Variants in PVT1 observed in about 807,000 individuals in gnomAD.
PVT1 encodes the protein CXCR4/PVT1 fusion.
intron 3 of PVT1, among the ~76,000 whole-genome samples, chr8:127,970,289 GTTTT>G (rs68010926): frequency 1.0e-4 from 5 of 49,118 alleles, no homozygotes; most frequent in Non-Finnish European, 1.1e-4. Context: ...GCCATGATTT[GTTTT>G]TTTTTTTTTT....
At chr8:128,061,522 G>T (rs1481414185) in intron 4 of PVT1, among the ~76,000 whole-genome samples, 2 of 152,178 alleles carry the variant, frequency 1.3e-5, no homozygotes, top group Non-Finnish European at 2.9e-5. Context: ...TGTATACCTA[G>T]GAGTGGAATT....
At position 128,041,739 on chromosome 8, in the gene PVT1, G is replaced by A. The variant is rs114588859; in HGVS notation, n.913-28421G>A. Among the ~76,000 whole-genome samples, 807 of 152,124 alleles carry A rather than the reference G, an allele frequency of 5.3e-3. 4 individuals are homozygous for A. Among genetic ancestry groups the A allele is most frequent in the African/African-American group, 0.018 (767 of 41,484 alleles). ...GTTTAGTATGTGTGTGTTTGTATTG[G>A]TTGCTGAGCACTTGCTATGTGTCAA... On this transcript the variant is annotated intron_variant and non_coding_transcript_variant, in intron 4 of 10. Coordinates refer to ENST00000651587, the Ensembl canonical transcript of PVT1.
At chr8:127,808,756 G>A (rs193184389) in intron 2 of PVT1, among the ~76,000 whole-genome samples, 91 of 152,066 alleles carry the variant, frequency 6.0e-4, no homozygotes, top group Non-Finnish European at 1.1e-3. Flanking sequence ...GGGACCAGGC[G>A]TGGTGGCTCA....
In PVT1 at chr8:127,937,580, C is replaced by CACACACACACACACACAGAG. The variant is rs59006608; in HGVS notation, n.782+46583_782+46584insCACACACACACACACAGAGA. On this transcript the variant is annotated intron_variant and non_coding_transcript_variant, in intron 3 of 10. Transcript: ENST00000651587. ...ACACACACACACACACACACACACA[C>CACACACACACACACACAGAG]AGAGAGAGAGAGAGAGAGAGAGAGA... 1.1e-3 allele frequency among the ~76,000 whole-genome samples: 122 copies of CACACACACACACACACAGAG among 107,826 alleles called. 1 individual carries two copies. Among genetic ancestry groups the CACACACACACACACACAGAG allele is most frequent in the African/African-American group, 4.1e-3 (110 of 26,978 alleles). 70.7% of individuals were successfully genotyped at this position (107,826 alleles called of 152,430 possible).
chr8:127,973,840 C>T (rs13254679), intron 3 of PVT1, among the ~76,000 whole-genome samples: 7,032 of 151,766 alleles, frequency 0.046, 526 homozygotes, highest in African/African-American at 0.16. Flanking sequence ...ATTAGCCGGG[C>T]GTGGTGGTGG....
chr8:127,854,486 A>G (rs1815141416), intron 2 of PVT1, among the ~76,000 whole-genome samples: 1 of 152,098 alleles, frequency 6.6e-6, no homozygotes, highest in South Asian at 2.1e-4. Context: ...AGGGGTCCCA[A>G]ATTGTCATGT....
At chr8:128,006,086 G>A (rs1326223260) in intron 4 of PVT1, among the ~76,000 whole-genome samples, 1 of 148,072 alleles carries the variant, frequency 6.8e-6, no homozygotes, top group Non-Finnish European at 1.5e-5. Flanking sequence ...CTCAGTGACA[G>A]AGTGAGACCT....
intron 3 of PVT1, among the ~76,000 whole-genome samples, chr8:127,906,611 G>A (rs1451650120): frequency 1.3e-5 from 2 of 152,104 alleles, no homozygotes; most frequent in African/African-American, 2.4e-5. Flanking sequence ...GAGGGGGATG[G>A]GGGGTGGACT....
intron 2 of PVT1, among the ~76,000 whole-genome samples, chr8:127,846,678 C>A (rs768629010): frequency 3.9e-5 from 6 of 152,066 alleles, no homozygotes; most frequent in South Asian, 4.2e-4. Context: ...GGAAAGGGGC[C>A]CCAAATGGTA....
chr8:128,089,921 G>T (rs747315014), intron 5 of PVT1, among the ~76,000 whole-genome samples: 10 of 152,294 alleles, frequency 6.6e-5, no homozygotes, highest in African/African-American at 2.4e-4. Context: ...TGCTTGGAAC[G>T]TTTTTTGTAC....
At position 127,902,374 on chromosome 8, in the gene PVT1, G is replaced by A. The variant is rs552723257; in HGVS notation, n.782+11376G>A. ...CGGCTGTGTGCAAGGCATTGTGCGA[G>A]GCTGCATGTTCTGGAGCTACACCAG... On this transcript the variant is annotated intron_variant and non_coding_transcript_variant, in intron 3 of 10. Transcript: ENST00000651587. 3.3e-5 allele frequency among the ~76,000 whole-genome samples: 5 copies of A among 151,904 alleles called. No individual in the cohort carries two copies. In the East Asian group the frequency reaches 7.7e-4, roughly 23 times the overall value.
chr8:127,883,621 T>TA (rs1043257277), intron 2 of PVT1, among the ~76,000 whole-genome samples: 12 of 146,270 alleles, frequency 8.2e-5, no homozygotes, highest in East Asian at 2.0e-4. Flanking sequence ...TAAAGTATAA[T>TA]AAAAAAAAAT....
chr8:128,023,463 T>TACACA (rs1356147312), intron 4 of PVT1, among the ~76,000 whole-genome samples: 1 of 152,198 alleles, frequency 6.6e-6, no homozygotes, highest in Non-Finnish European at 1.5e-5. Context: ...ATTGTTTTGG[T>TACACA]AATAGGTACA....
chr8:127,811,978 G>A (rs1267378826), intron 2 of PVT1, among the ~76,000 whole-genome samples: 2 of 151,886 alleles, frequency 1.3e-5, no homozygotes, highest in African/African-American at 2.4e-5. Flanking sequence ...GTGGCGGCTC[G>A]TGCCTGTAAT....
At chr8:127,830,947 A>G (rs1814841363) in intron 2 of PVT1, among the ~76,000 whole-genome samples, 1 of 152,064 alleles carries the variant, frequency 6.6e-6, no homozygotes, top group Non-Finnish European at 1.5e-5. Context: ...TGAGGCTTGG[A>G]CTGGCTCTCC....
intron 5 of PVT1, among the ~76,000 whole-genome samples, chr8:128,084,407 T>G (rs748941404): frequency 6.6e-6 from 1 of 152,216 alleles, no homozygotes; most frequent in Non-Finnish European, 1.5e-5. Flanking sequence ...TCTGCTCAGA[T>G]GTCAACTCTC....
chr8:128,052,895 T>C (rs542245896), intron 4 of PVT1, among the ~76,000 whole-genome samples: 29 of 152,388 alleles, frequency 1.9e-4, no homozygotes, highest in African/African-American at 7.0e-4. Context: ...GGTCTAGCTC[T>C]CCTATGAAGA....
intron 4 of PVT1, among the ~76,000 whole-genome samples, chr8:127,996,137 T>C (rs1240213758): frequency 6.6e-6 from 1 of 152,124 alleles, no homozygotes; most frequent in Non-Finnish European, 1.5e-5. Context: ...GATCCAGGTT[T>C]ATTTGAGGAG....
intron 3 of PVT1, among the ~76,000 whole-genome samples, chr8:127,911,780 T>C (rs929955588): frequency 1.3e-5 from 2 of 152,228 alleles, no homozygotes; most frequent in Non-Finnish European, 2.9e-5. Context: ...TTAGAGAAAT[T>C]GATGGTTCTT....
Sources: allele counts gnomAD v4.1 joint callset (sites outside exome capture counted in the v4.1 genomes callset), GRCh38; gene constraint gnomAD v4.1.1; transcripts MANE v1.5; gene names NCBI Gene and HGNC (gene_info 2026-07-23, HGNC 2026-07-21).